Variants in GAK observed in about 807,000 individuals in gnomAD.
GAK encodes cyclin G associated kinase, also known as cyclin-G-associated kinase.
A neutral mutation model predicts 143.9 loss-of-function variants in GAK; 79 were observed. The observed-to-expected ratio is 0.55, with a 90% CI of 0.46 to 0.66. The LOEUF (loss-of-function observed/expected upper bound fraction) is 0.66, where lower values mean the gene tolerates loss of function less well. Among genes scored for constraint, GAK ranks in the 30% least tolerant of loss-of-function variants. The probability of loss-of-function intolerance (pLI) is 0.00; values close to 1 mark genes in which losing one functional copy is unlikely to be tolerated. For synonymous variants in GAK, 881 were observed against 765.5 expected, an observed-to-expected ratio of 1.15 and a Z score of -2.49; for missense variants, 1,693 against 1,779.7, an observed-to-expected ratio of 0.95 and a Z score of 0.88.
chr4:862,549 T>C, intron 23 of GAK, among the ~76,000 whole-genome samples: 1 of 151,986 alleles, frequency 6.6e-6, no homozygotes, highest in Admixed American at 6.6e-5. Flanking sequence ...TCCCAGCTAC[T>C]TGGGAGGCTG....
At chr4:908,810 AT>A (rs1251779720) in intron 4 of GAK, among the ~76,000 whole-genome samples, 8 of 152,156 alleles carry the variant, frequency 5.3e-5, no homozygotes, top group Non-Finnish European at 1.0e-4. Flanking sequence ...GATACGGTCA[AT>A]TTTTTTAAAA....
At chr4:880,739 A>G (rs78947039) in intron 15 of GAK, among the ~76,000 whole-genome samples, 2 of 152,342 alleles carry the variant, frequency 1.3e-5, no homozygotes, top group Non-Finnish European at 2.9e-5. Context: ...AGTGATGTGA[A>G]AAGGCCATGA....
At position 877,691 on chromosome 4, in the gene GAK, C is replaced by T; in HGVS notation, c.1780G>A (p.Gly594Ser). 1.9e-6 allele frequency: 3 copies of T among 1,613,068 alleles called. No individual in the cohort carries two copies. Among genetic ancestry groups the T allele is most frequent in the Non-Finnish European group, 1.7e-6 (2 of 1,179,788 alleles). The change falls in exon 16 of 28, where the codon GGC becomes AGC. Residue 594 changes from glycine to serine, a missense_variant. Transcript: ENST00000314167. ...PVPLFSKQRS[G>S]CRPFCEVYVG... is the part of the protein sequence containing the mutation. Reference sequence around the variant, plus strand: ...TAGACCTCGCAGAAGGGCCTGCAGCCGCTCCTCTGCTTGCTGAACAGCGGC... The same window carrying T: ...TAGACCTCGCAGAAGGGCCTGCAGCTGCTCCTCTGCTTGCTGAACAGCGGC...
At position 882,831 on chromosome 4, in the gene GAK, GGGCACGGT is replaced by G; in HGVS notation, c.1405-20_1405-13del. The G allele has an allele frequency of 6.2e-7, 1 of 1,606,864 alleles. No homozygotes were observed. The highest frequency in any genetic ancestry group is 8.5e-7 in the Non-Finnish European group (1 of 1,179,090). ...CCACACTCGGAGACCTGTGGGGACAGGGCACGGTGGCACGGACGGCAGAGGAGCCCCGC... is the reference window on the plus strand; with the variant it reads ...CCACACTCGGAGACCTGTGGGGACAGGGCACGGACGGCAGAGGAGCCCCGC... On this transcript the variant is annotated splice_polypyrimidine_tract_variant and intron_variant, in intron 13 of 27. Coordinates refer to ENST00000314167, the MANE Select transcript of GAK (RefSeq NM_005255.4).
At chr4:894,726 T>TAATC (rs1718429776) in intron 7 of GAK, 1 of 152,266 alleles carries the variant, frequency 6.6e-6, no homozygotes, top group African/African-American at 2.4e-5. Flanking sequence ...CTCACGCCTG[T>TAATC]AATCCCAGCA....
chr4:910,397 T>C (rs1184953656), intron 4 of GAK, among the ~76,000 whole-genome samples: 3 of 110,152 alleles, frequency 2.7e-5, no homozygotes, highest in African/African-American at 1.1e-4. Context: ...CCCATCCCAC[T>C]AAGTGCAGTC....
rs118070510 is a variant in GAK, at chr4:885,081, G to A, written c.1206-995C>T. Among the ~76,000 whole-genome samples the A allele has an allele frequency of 2.6e-5, 4 of 152,102 alleles. No individual in the cohort carries two copies. The East Asian group carries it at 7.7e-4, about 29-fold the overall frequency. The stretch of plus-strand genomic sequence containing the variant: ...CACCGAGCAGGTGCTGACTCAGGAT[G>A]CGGGTCTTCCGTGCGTTCAAACGTT... On this transcript the variant is annotated intron_variant, in intron 11 of 27. Coordinates refer to ENST00000314167, the MANE Select transcript of GAK (RefSeq NM_005255.4).
At chr4:911,454 G>A (rs1465847998) in intron 4 of GAK, among the ~76,000 whole-genome samples, 1 of 152,128 alleles carries the variant, frequency 6.6e-6, no homozygotes, top group Non-Finnish European at 1.5e-5. Context: ...ACGAGGAGAC[G>A]ATGCAGGTGG....
At chr4:851,369 T>C (rs1748110167) in intron 25 of GAK, 1 of 455,872 alleles carries the variant, frequency 2.2e-6, no homozygotes, top group Non-Finnish European at 4.0e-6. Flanking sequence ...GTGCTGGGAT[T>C]ATAGGCGTGA....
At chr4:904,127 A>G (rs1226985451) in intron 5 of GAK, among the ~76,000 whole-genome samples, 1 of 152,152 alleles carries the variant, frequency 6.6e-6, no homozygotes, top group Non-Finnish European at 1.5e-5. Flanking sequence ...GGGAGCCACT[A>G]CCTTGTGGTC....
chr4:911,618 C>T (rs1722060454), intron 4 of GAK, 55 bp downstream of exon 4: 1 of 1,258,690 alleles, frequency 7.9e-7, no homozygotes, highest in Non-Finnish European at 1.2e-6. Context: ...TAGGAGGCAT[C>T]AAGCCGGCCT....
intron 10 of GAK, among the ~76,000 whole-genome samples, chr4:889,500 G>A (rs1422285698): frequency 6.6e-6 from 1 of 152,068 alleles, no homozygotes; most frequent in Non-Finnish European, 1.5e-5. Flanking sequence ...CGAGGCCCAG[G>A]CAGCACCGAG....
At chr4:917,022 C>T (rs1306946811) in intron 1 of GAK, among the ~76,000 whole-genome samples, 1 of 152,088 alleles carries the variant, frequency 6.6e-6, no homozygotes, top group African/African-American at 2.4e-5. Flanking sequence ...TTACATGCAA[C>T]AACATGAATA....
At chr4:868,067 G>A (rs1196422051) in intron 20 of GAK, among the ~76,000 whole-genome samples, 2 of 152,236 alleles carry the variant, frequency 1.3e-5, no homozygotes, top group Non-Finnish European at 2.9e-5. Context: ...AGTGGCAGGT[G>A]CATCCCTTGG....
chr4:925,570 C>T (rs1724583675), intron 1 of GAK, among the ~76,000 whole-genome samples: 1 of 152,222 alleles, frequency 6.6e-6, no homozygotes, highest in African/African-American at 2.4e-5. Context: ...CAGAATGAAT[C>T]TGTGTCCCCT....
intron 6 of GAK, 195 bp downstream of exon 6, chr4:897,838 A>G (rs1577221066): frequency 2.0e-6 from 1 of 510,030 alleles, no homozygotes; most frequent in South Asian, 2.8e-5. Flanking sequence ...AACCCCAGCT[A>G]CTCGGGAGGC....
intron 19 of GAK, chr4:868,905 G>C: frequency 1.8e-6 from 1 of 558,076 alleles, no homozygotes; most frequent in Non-Finnish European, 3.2e-6. Context: ...CTTGGGCACA[G>C]CACACGCACA....
intron 1 of GAK, among the ~76,000 whole-genome samples, chr4:923,615 T>C (rs1724230569): frequency 6.6e-6 from 1 of 151,792 alleles, no homozygotes; most frequent in Admixed American, 6.6e-5. Context: ...TTCAAGACTG[T>C]GGTGAGCTGT....
At chr4:864,398 C>T (rs1010024212) in intron 23 of GAK, among the ~76,000 whole-genome samples, 7 of 152,114 alleles carry the variant, frequency 4.6e-5, no homozygotes, top group Non-Finnish European at 8.8e-5. Context: ...CACAAAAAAC[C>T]CCCTTAACTC....
Sources: gnomAD v4.1 joint callset for allele counts (sites outside exome capture counted in the v4.1 genomes callset) on GRCh38, gnomAD v4.1.1 for gene constraint, MANE v1.5 for transcripts, NCBI Gene and HGNC (gene_info 2026-07-23, HGNC 2026-07-21) for gene names.